Variants in RABL3 observed in about 807,000 individuals in gnomAD.
RABL3 encodes the protein rab-like protein 3.
In RABL3, 31 loss-of-function variants were observed where a neutral mutation model predicts 31.8. That is an observed-to-expected ratio of 0.97 (90% CI 0.73 to 1.31). The LOEUF (loss-of-function observed/expected upper bound fraction) is 1.31. Ranked by LOEUF, RABL3 falls within the 40% of genes most tolerant of loss-of-function variation. The pLI, the probability that RABL3 is intolerant of heterozygous loss-of-function variation, is 0.00. For missense variants in RABL3, 263 were observed against 279.6 expected (o/e 0.94, Z 0.42); for synonymous variants, 97 against 99.9 (o/e 0.97, Z 0.18).
intron 2 of RABL3, among the ~76,000 whole-genome samples, chr3:120,728,696 G>A (rs568710241): frequency 6.6e-6 from 1 of 151,750 alleles, no homozygotes; most frequent in African/African-American, 2.4e-5. Flanking sequence ...AAAACTTAAA[G>A]TATAATAATA....
intron 2 of RABL3, among the ~76,000 whole-genome samples, chr3:120,711,403 A>G (rs562402782): frequency 6.6e-6 from 1 of 152,178 alleles, no homozygotes; most frequent in African/African-American, 2.4e-5. Flanking sequence ...CTCCACTATT[A>G]CCACCCAGGT....
intron 2 of RABL3, among the ~76,000 whole-genome samples, chr3:120,725,674 A>C (rs916109929): frequency 5.3e-5 from 8 of 152,204 alleles, no homozygotes; most frequent in Non-Finnish European, 1.0e-4. Flanking sequence ...GGAAACCATC[A>C]TTCTCAGCAA....
rs1213575639 is a variant in RABL3 at position 120,688,260 on chromosome 3, G to C, written c.*1563C>G. 6.6e-6 allele frequency: 1 copy of C among 152,562 alleles called. No homozygotes were observed. The highest frequency in any genetic ancestry group is 1.5e-5 in the Non-Finnish European group (1 of 68,038). The allele number at this position is 152,562 out of a possible 1,614,324, so 9.5% of individuals were successfully genotyped here. ...AGCATTTGGTTTCTACTTCCCAACT[G>C]TACAGCCTATGCAACAACATACTTG... On this transcript the variant is annotated 3_prime_UTR_variant, in exon 8 of 8. Coordinates refer to ENST00000273375, the MANE Select transcript of RABL3 (RefSeq NM_173825.5).
chr3:120,724,623 AC>A (rs1169304684), intron 2 of RABL3, among the ~76,000 whole-genome samples: 3 of 152,208 alleles, frequency 2.0e-5, no homozygotes, highest in Non-Finnish European at 1.5e-5. Flanking sequence ...ATGGAACAGA[AC>A]AGAGCCCTCA....
chr3:120,697,978 T>C (rs903084221), intron 5 of RABL3, among the ~76,000 whole-genome samples: 2 of 152,092 alleles, frequency 1.3e-5, no homozygotes, highest in African/African-American at 4.8e-5. Flanking sequence ...CTGGGCAACA[T>C]GGCAAAACCC....
intron 2 of RABL3, among the ~76,000 whole-genome samples, chr3:120,721,520 T>C (rs1354156822): frequency 6.6e-6 from 1 of 150,800 alleles, no homozygotes; most frequent in Admixed American, 6.6e-5. Context: ...AAGGCAGGGG[T>C]TGCAATCCTA....
At chr3:120,698,391 T>C (rs746257207) in intron 5 of RABL3, 32 bp downstream of exon 5, 3 of 1,587,212 alleles carry the variant, frequency 1.9e-6, no homozygotes, top group African/African-American at 1.3e-5. Context: ...TACCCGATAA[T>C]AATACAAGCA....
rs374152073 is a variant in RABL3 at position 120,685,306 on chromosome 3, G to A, written c.*4517C>T. Among the ~76,000 whole-genome samples the A allele has an allele frequency of 6.6e-6, 1 of 152,158 alleles. No homozygotes were observed. Among genetic ancestry groups the A allele is most frequent in the East Asian group, 1.9e-4 (1 of 5,196 alleles). ...GATGTCTCCGAGAAAAAGATGGAAC[G>A]GAGAGATTACCTGATATACTTGATG... On this transcript the variant is annotated 3_prime_UTR_variant, in exon 8 of 8. Transcript: ENST00000273375.
intron 2 of RABL3, among the ~76,000 whole-genome samples, chr3:120,711,948 T>G (rs1257345367): frequency 6.6e-6 from 1 of 152,168 alleles, no homozygotes; most frequent in Non-Finnish European, 1.5e-5. Context: ...CCCTGGTATC[T>G]TGGAGCCTCA....
intron 3 of RABL3, among the ~76,000 whole-genome samples, chr3:120,708,785 G>A (rs1708579761): frequency 7.5e-6 from 1 of 133,088 alleles, no homozygotes; most frequent in South Asian, 2.7e-4. Context: ...TCTTTATTAA[G>A]ACTGTGACAT....
chr3:120,705,565 G>T (rs533495547), intron 4 of RABL3, among the ~76,000 whole-genome samples: 73 of 152,278 alleles, frequency 4.8e-4, no homozygotes, highest in African/African-American at 1.7e-3. Flanking sequence ...AATAAATGGT[G>T]CTGGAATAGT....
At chr3:120,718,960 G>C (rs1708703030) in intron 2 of RABL3, among the ~76,000 whole-genome samples, 1 of 151,988 alleles carries the variant, frequency 6.6e-6, no homozygotes, top group Non-Finnish European at 1.5e-5. Flanking sequence ...TAATCTCAAA[G>C]TATATAAATG....
At chr3:120,733,183 T>G (rs542574905) in intron 1 of RABL3, among the ~76,000 whole-genome samples, 2 of 152,318 alleles carry the variant, frequency 1.3e-5, no homozygotes, top group African/African-American at 4.8e-5. Flanking sequence ...CCACCAACAG[T>G]GTAGAAGCGT....
intron 2 of RABL3, among the ~76,000 whole-genome samples, chr3:120,722,918 G>A (rs1424370238): frequency 1.4e-5 from 2 of 140,838 alleles, no homozygotes; most frequent in African/African-American, 4.9e-5. Flanking sequence ...ACATTCAAAA[G>A]CTAGCAGAAG....
At chr3:120,689,958 C>T in intron 7 of RABL3, 70 bp from the exon 8 acceptor site, 3 of 1,269,658 alleles carry the variant, frequency 2.4e-6, no homozygotes, top group Non-Finnish European at 3.4e-6. Context: ...GTAATTTTTC[C>T]CTTCTTTTCC....
chr3:120,723,688 T>A (rs995366277), intron 2 of RABL3, among the ~76,000 whole-genome samples: 13 of 152,112 alleles, frequency 8.5e-5, no homozygotes, highest in African/African-American at 2.7e-4. Flanking sequence ...ACAGAACCAA[T>A]GACAAAAATC....
Position 120,687,709 on chromosome 3 carries a change from G to T in RABL3, c.*2114C>A, listed in dbSNP as rs1708327923. ...AAGCTTGGCTGCAGAAAGTAATGGA[G>T]TTGAGGAATACTGTTAATTTTTCCA... On this transcript the variant is annotated 3_prime_UTR_variant, in exon 8 of 8. Transcript: ENST00000273375. 1 of 151,928 alleles carries T rather than the reference G, an allele frequency of 6.6e-6. No homozygotes were observed. The highest frequency in any genetic ancestry group is 1.5e-5 in the Non-Finnish European group (1 of 67,968). The allele number at this position is 151,928 out of a possible 1,614,324, so 9.4% of individuals were successfully genotyped here.
chr3:120,702,961 G>A (rs577503544), intron 4 of RABL3, among the ~76,000 whole-genome samples: 2 of 152,278 alleles, frequency 1.3e-5, no homozygotes, highest in African/African-American at 2.4e-5. Flanking sequence ...CTGGACATAG[G>A]TGCAGTTGTG....
chr3:120,722,879 T>C (rs979104059), intron 2 of RABL3, among the ~76,000 whole-genome samples: 1 of 151,774 alleles, frequency 6.6e-6, no homozygotes, highest in African/African-American at 2.4e-5. Context: ...AACATCACAA[T>C]TAAAAGAACT....
Sources: gnomAD v4.1 joint callset for allele counts (sites outside exome capture counted in the v4.1 genomes callset) on GRCh38, gnomAD v4.1.1 for gene constraint, MANE v1.5 for transcripts, NCBI Gene and HGNC (gene_info 2026-07-23, HGNC 2026-07-21) for gene names.